Variants in ZFHX3 observed in about 807,000 individuals in gnomAD.
ZFHX3 encodes the protein zinc finger homeobox 3.
Under a neutral mutation model 279.1 loss-of-function variants are expected in ZFHX3, and 42 were observed. That is an observed-to-expected ratio of 0.15 (90% CI 0.12 to 0.19). The LOEUF is 0.19. Among genes scored for constraint, ZFHX3 ranks in the 10% least tolerant of loss-of-function variants. ZFHX3 has a pLI of 1.00. For missense variants in ZFHX3, 4,981 were observed against 4,754.0 expected (o/e 1.05, Z -1.40); for synonymous variants, 2,293 against 1,957.8 (o/e 1.17, Z -4.52).
chr16:73,139,602 T>G (rs1469519662), intron 6 of ZFHX3, among the ~76,000 whole-genome samples: 3 of 152,240 alleles, frequency 2.0e-5, no homozygotes, highest in Non-Finnish European at 2.9e-5. Flanking sequence ...AACCCAAAAA[T>G]TTCCCAAGGC....
At chr16:72,837,212 T>C (rs1173451734) in intron 4 of ZFHX3, among the ~76,000 whole-genome samples, 1 of 152,208 alleles carries the variant, frequency 6.6e-6, no homozygotes, top group Non-Finnish European at 1.5e-5. Flanking sequence ...CTCTCTGCCA[T>C]GTGAAAGACC....
intron 7 of ZFHX3, among the ~76,000 whole-genome samples, chr16:73,095,131 C>T (rs186105231): frequency 3.3e-5 from 5 of 152,096 alleles, no homozygotes; most frequent in African/African-American, 1.2e-4. Context: ...TGCTGTGTTG[C>T]CTAGGCTGGT....
chr16:73,110,772 C>T (rs1966363126), intron 7 of ZFHX3, among the ~76,000 whole-genome samples: 1 of 152,034 alleles, frequency 6.6e-6, no homozygotes, highest in Non-Finnish European at 1.5e-5. Context: ...CATTGTTGGC[C>T]AGTATGGTCT....
intron 1 of ZFHX3, among the ~76,000 whole-genome samples, chr16:73,736,014 C>T (rs1329705132): frequency 6.6e-6 from 1 of 151,900 alleles, no homozygotes; most frequent in East Asian, 1.9e-4. Flanking sequence ...GTACTAAGCA[C>T]TGGACTCACA....
At chr16:72,807,022 G>A (rs1210685134) in intron 7 of ZFHX3, 1 of 152,238 alleles carries the variant, frequency 6.6e-6, no homozygotes, top group Non-Finnish European at 1.5e-5. Context: ...AATAATTTAA[G>A]AGTATTGAAA....
intron 5 of ZFHX3, among the ~76,000 whole-genome samples, chr16:73,184,021 A>C (rs1219734643): frequency 6.6e-6 from 1 of 152,154 alleles, no homozygotes; most frequent in Non-Finnish European, 1.5e-5. Flanking sequence ...GATGCGGACC[A>C]TGTGTCTCTA....
Position 72,788,039 on chromosome 16 carries a change from C to G in ZFHX3, c.10237G>C (p.Asp3413His), listed in dbSNP as rs776947181. The G allele has an allele frequency of 1.9e-6, 3 of 1,612,334 alleles. No individual in the cohort carries two copies. The South Asian group carries it at 3.3e-5, about 18-fold the overall frequency. Residue 3413 changes from aspartate to histidine, a missense_variant, in exon 10 of 10, where the codon GAC (aspartate) becomes CAC (histidine). Physicochemically the swap from Asp to His is moderately conservative, Grantham distance 81. This residue lies in a region of ZFHX3 where 1,034 missense variants were observed against 786.0 expected (regional missense o/e 1.32). Coordinates refer to ENST00000268489, the MANE Select transcript of ZFHX3 (RefSeq NM_006885.4). ...VPPGAPSPDK[D>H]PAKESPKPEE... ...GGTTTGGGGGATTCTTTGGCAGGGT[C>G]TTTGTCTGGGGAAGGAGCCCCGGGG...
At chr16:73,407,903 A>T (rs1567474678) in intron 3 of ZFHX3, among the ~76,000 whole-genome samples, 1 of 152,114 alleles carries the variant, frequency 6.6e-6, no homozygotes, top group African/African-American at 2.4e-5. Flanking sequence ...GCTGGCTTTT[A>T]TCAATTCCTA....
intron 4 of ZFHX3, among the ~76,000 whole-genome samples, chr16:72,868,118 T>A (rs1005320330): frequency 1.3e-5 from 2 of 152,216 alleles, no homozygotes; most frequent in Non-Finnish European, 2.9e-5. Flanking sequence ...CTGTCCAATC[T>A]TTTTGGAATA....
At chr16:73,231,568 T>C (rs893209876) in intron 5 of ZFHX3, among the ~76,000 whole-genome samples, 6 of 152,148 alleles carry the variant, frequency 3.9e-5, no homozygotes, top group Non-Finnish European at 7.3e-5. Context: ...CTGCATACCT[T>C]TTCCTCCAGG....
chr16:73,753,986 A>ATGTG (rs1310925312), intron 1 of ZFHX3, among the ~76,000 whole-genome samples: 15 of 147,426 alleles, frequency 1.0e-4, no homozygotes, highest in African/African-American at 2.5e-4. Flanking sequence ...GTAAGAATCA[A>ATGTG]TGTGTGTGTG....
intron 5 of ZFHX3, among the ~76,000 whole-genome samples, chr16:73,181,250 G>A (rs946032214): frequency 2.0e-5 from 3 of 152,176 alleles, no homozygotes; most frequent in Non-Finnish European, 4.4e-5. Flanking sequence ...ACAGGCACAC[G>A]CCAGCATGCC....
At chr16:73,786,870 G>A (rs1382311530) in intron 1 of ZFHX3, among the ~76,000 whole-genome samples, 2 of 152,148 alleles carry the variant, frequency 1.3e-5, no homozygotes, top group Non-Finnish European at 2.9e-5. Context: ...CATACCCACA[G>A]AGGCAGCCAG....
intron 3 of ZFHX3, among the ~76,000 whole-genome samples, chr16:73,447,518 TC>T (rs1221344894): frequency 6.6e-6 from 1 of 152,134 alleles, no homozygotes; most frequent in Non-Finnish European, 1.5e-5. Context: ...GAACATAATT[TC>T]AAGATTAGAA....
chr16:73,285,869 G>T (rs1026354982), intron 4 of ZFHX3, among the ~76,000 whole-genome samples: 3 of 152,118 alleles, frequency 2.0e-5, no homozygotes, highest in Non-Finnish European at 1.5e-5. Context: ...ACACGCTTCC[G>T]CACAACACCA....
intron 3 of ZFHX3, among the ~76,000 whole-genome samples, chr16:72,922,069 G>A (rs996090048): frequency 4.6e-5 from 7 of 152,178 alleles, no homozygotes; most frequent in African/African-American, 1.4e-4. Flanking sequence ...TAGGCACGCC[G>A]TGAAGCCCAC....
chr16:73,502,123 C>T (rs991020044), intron 2 of ZFHX3, among the ~76,000 whole-genome samples: 6 of 151,940 alleles, frequency 3.9e-5, no homozygotes, highest in Admixed American at 1.3e-4. Flanking sequence ...GGAAAAAAAG[C>T]CCATAGATGA....
intron 4 of ZFHX3, among the ~76,000 whole-genome samples, chr16:73,298,488 T>C (rs13330978): frequency 0.095 from 14,354 of 151,466 alleles, 866 homozygotes; most frequent in East Asian, 0.24. Context: ...CCAACCTATT[T>C]ATGTTGTCGT....
chr16:73,396,829 A>C (rs2017139909), intron 3 of ZFHX3, among the ~76,000 whole-genome samples: 1 of 152,184 alleles, frequency 6.6e-6, no homozygotes. Flanking sequence ...ATCACTAAGC[A>C]CCAGGGTATC....
Sources: allele counts gnomAD v4.1 joint callset (sites outside exome capture counted in the v4.1 genomes callset), GRCh38; gene constraint gnomAD v4.1.1; regional missense constraint gnomAD v4.1.1; transcripts MANE v1.5; gene names NCBI Gene and HGNC (gene_info 2026-07-23, HGNC 2026-07-21).